Variants in ERG observed in about 807,000 individuals in gnomAD.
The protein encoded by ERG is transcriptional regulator ERG.
In ERG, 9 loss-of-function variants were observed where a neutral mutation model predicts 55.3. The ratio of observed to expected loss-of-function variants is 0.16; its 90% CI spans 0.10 to 0.28. The LOEUF (loss-of-function observed/expected upper bound fraction) is 0.28. Ranked by LOEUF, ERG falls within the 10% of genes least tolerant of loss-of-function variation. The probability of loss-of-function intolerance (pLI) is 1.00; values close to 1 mark genes in which losing one functional copy is unlikely to be tolerated. For synonymous variants in ERG, 223 were observed against 237.3 expected, an observed-to-expected ratio of 0.94 and a Z score of 0.55; for missense variants, 434 against 631.6, an observed-to-expected ratio of 0.69 and a Z score of 3.35.
intron 1 of ERG, among the ~76,000 whole-genome samples, chr21:38,609,665 A>T (rs1311212621): frequency 6.6e-6 from 1 of 152,250 alleles, no homozygotes; most frequent in Non-Finnish European, 1.5e-5. Context: ...TTATAAACAC[A>T]TTTATAGAAT....
At chr21:38,457,233 G>A (rs1354049582) in intron 1 of ERG, among the ~76,000 whole-genome samples, 1 of 152,118 alleles carries the variant, frequency 6.6e-6, no homozygotes. Flanking sequence ...TCAGGAGATG[G>A]AAAACATCCT....
intron 1 of ERG, among the ~76,000 whole-genome samples, chr21:38,598,083 C>T (rs778490006): frequency 1.5e-4 from 23 of 152,160 alleles, no homozygotes; most frequent in Non-Finnish European, 3.2e-4. Context: ...TGATCTTGGA[C>T]CAGCCACGTC....
chr21:38,380,828 A>T lies in ERG; in HGVS notation c.*2575T>A, dbSNP rs574878462. The T allele has an allele frequency of 3.9e-5, 42 of 1,064,978 alleles. No homozygotes were observed. In the Admixed American group the frequency reaches 6.4e-4, roughly 16 times the overall value. The allele number at this position is 1,064,978 out of a possible 1,614,324, so 66.0% of individuals were successfully genotyped here. On this transcript the variant is annotated 3_prime_UTR_variant, in exon 10 of 10. Coordinates refer to ENST00000288319, the MANE Select transcript of ERG (RefSeq NM_182918.4). Reference sequence around the variant, plus strand: ...ATGATAATCATGTCTTGTTTTTATGATCTTGCTCATGAGACAGTCTTGAAG... The same window carrying T: ...ATGATAATCATGTCTTGTTTTTATGTTCTTGCTCATGAGACAGTCTTGAAG...
chr21:38,527,578 G>A (rs1196026571), intron 2 of ERG, among the ~76,000 whole-genome samples: 1 of 152,188 alleles, frequency 6.6e-6, no homozygotes, highest in Non-Finnish European at 1.5e-5. Flanking sequence ...TGAAGAGGAG[G>A]CGTTGATTGC....
intron 2 of ERG, among the ~76,000 whole-genome samples, chr21:38,538,177 G>A (rs2059725463): frequency 6.6e-6 from 1 of 152,170 alleles, no homozygotes; most frequent in Non-Finnish European, 1.5e-5. Flanking sequence ...GAGAAGGGTA[G>A]AATGGAAAGC....
At chr21:38,446,944 A>G (rs578010284) in intron 1 of ERG, among the ~76,000 whole-genome samples, 1 of 152,166 alleles carries the variant, frequency 6.6e-6, no homozygotes, top group African/African-American at 2.4e-5. Flanking sequence ...CCTTTGGGAC[A>G]TGTGTTTAAA....
downstream of ERG, among the ~76,000 whole-genome samples, chr21:38,379,454 T>C (rs1987330701): frequency 6.6e-6 from 1 of 152,242 alleles, no homozygotes; most frequent in Non-Finnish European, 1.5e-5. Context: ...ATTTCTGTAT[T>C]ATCTTCTTTA....
Position 38,460,512 on chromosome 21 carries a change from TA to T in ERG, c.19-14892del, listed in dbSNP as rs1280317871. ...TGTGTACACCAAAAGCCACACCTAA[TA>T]AAATGTTACAGCCATCCTTTGTCCC... On this transcript the variant is annotated intron_variant, in intron 1 of 9. Coordinates refer to ENST00000288319, the MANE Select transcript of ERG (RefSeq NM_182918.4). This position sits in a 1 kb window ranked among gnomAD's most constrained non-coding sequence, Gnocchi z 5.0. 6.6e-6 allele frequency among the ~76,000 whole-genome samples: 1 copy of T among 152,218 alleles called. No homozygotes were observed. Among genetic ancestry groups the T allele is most frequent in the Non-Finnish European group, 1.5e-5 (1 of 68,036 alleles).
chr21:38,596,200 C>A (rs190196537), intron 1 of ERG, among the ~76,000 whole-genome samples: 241 of 152,310 alleles, frequency 1.6e-3, no homozygotes, highest in African/African-American at 4.5e-3. Flanking sequence ...GTGCAAGGTG[C>A]AGGCAGAGCC....
chr21:38,422,990 T>C (rs1002614987), intron 3 of ERG, among the ~76,000 whole-genome samples: 25 of 152,102 alleles, frequency 1.6e-4, no homozygotes, highest in African/African-American at 5.8e-4. Flanking sequence ...TCACCTTTCA[T>C]AGACATATAC....
At chr21:38,469,827 T>C (rs1189226592) in intron 1 of ERG, among the ~76,000 whole-genome samples, 1 of 152,240 alleles carries the variant, frequency 6.6e-6, no homozygotes, top group Non-Finnish European at 1.5e-5. Flanking sequence ...TCACAGAATA[T>C]GTTTACACAT....
intron 2 of ERG, among the ~76,000 whole-genome samples, chr21:38,571,830 G>A (rs1055879113): frequency 3.3e-5 from 5 of 152,270 alleles, no homozygotes; most frequent in Admixed American, 2.0e-4. Flanking sequence ...ATTTTGCAGA[G>A]TGAATTTCTC....
rs73440496 is a variant in ERG at position 38,614,175 on chromosome 21, T to C, written c.-149-29230A>G. On this transcript the variant is annotated intron_variant, in intron 1 of 10. Coordinates refer to the ERG transcript ENST00000398910. Reference sequence around the variant, plus strand: ...AGGGACCTTTCTAGCACCTTCCTCCTACATATAACTTATATGTAGGAGAAA... The same window carrying C: ...AGGGACCTTTCTAGCACCTTCCTCCCACATATAACTTATATGTAGGAGAAA... Among the ~76,000 whole-genome samples, 1,296 of 152,284 alleles carry C rather than the reference T, an allele frequency of 8.5e-3. 18 individuals are homozygous for C. Among genetic ancestry groups the C allele is most frequent in the African/African-American group, 0.029 (1,223 of 41,566 alleles).
intron 2 of ERG, among the ~76,000 whole-genome samples, chr21:38,546,584 C>T (rs980895881): frequency 1.3e-5 from 2 of 152,162 alleles, no homozygotes; most frequent in African/African-American, 4.8e-5. Flanking sequence ...ACACAGTTTT[C>T]GACTGCTCCA....
At position 38,380,984 on chromosome 21, in the gene ERG, C is replaced by T. The variant is rs1423995998; in HGVS notation, c.*2419G>A. 1 of 1,064,598 alleles carries T rather than the reference C, an allele frequency of 9.4e-7. No homozygotes were observed. The highest frequency in any genetic ancestry group is 1.1e-6 in the Non-Finnish European group (1 of 878,942). 65.9% of individuals were successfully genotyped at this position (1,064,598 alleles called of 1,614,324 possible). On this transcript the variant is annotated 3_prime_UTR_variant, in exon 10 of 10. Coordinates refer to ENST00000288319, the MANE Select transcript of ERG (RefSeq NM_182918.4). ...CAGTTTGGGTCAGCCTAACTGCCAG[C>T]TTTCATGATTGTATTTATTTATTTT...
chr21:38,376,430 G>C (rs77934048), downstream of ERG, among the ~76,000 whole-genome samples: 1 of 152,146 alleles, frequency 6.6e-6, no homozygotes, highest in African/African-American at 2.4e-5. Flanking sequence ...GATGGAAACC[G>C]GTTCTGGTCT....
chr21:38,450,727 G>T (rs2211871), intron 1 of ERG, among the ~76,000 whole-genome samples: 140,155 of 152,334 alleles, frequency 0.92, 64,508 homozygotes, highest in South Asian at 0.98. Context: ...TACACCACTT[G>T]TCACATTTTA....
intron 1 of ERG, among the ~76,000 whole-genome samples, chr21:38,584,116 T>C (rs528192219): frequency 3.1e-4 from 47 of 152,204 alleles, no homozygotes; most frequent in Non-Finnish European, 5.9e-4. Flanking sequence ...TCAGGCTCCA[T>C]GGACTACTAT....
intron 3 of ERG, among the ~76,000 whole-genome samples, chr21:38,406,403 T>C (rs1308209725): frequency 3.3e-5 from 5 of 152,184 alleles, no homozygotes; most frequent in Non-Finnish European, 7.3e-5. Context: ...GCTGAGAATT[T>C]GGCTTTCAGA....
Sources: allele counts gnomAD v4.1 joint callset (sites outside exome capture counted in the v4.1 genomes callset), GRCh38; gene constraint gnomAD v4.1.1; non-coding constraint Gnocchi (gnomAD v3.1); transcripts MANE v1.5; gene names NCBI Gene and HGNC (gene_info 2026-07-23, HGNC 2026-07-21).